Variants in BNC2 observed in about 807,000 individuals in gnomAD.
BNC2 encodes zinc finger protein basonuclin-2.
Under a neutral mutation model 76.3 loss-of-function variants are expected in BNC2, and 20 were observed. That is an observed-to-expected ratio of 0.26 (90% CI 0.18 to 0.38). BNC2 has a LOEUF of 0.38. Ranked by LOEUF, BNC2 falls within the 10% of genes least tolerant of loss-of-function variation. The probability of loss-of-function intolerance (pLI) is 1.00; values close to 1 mark genes in which losing one functional copy is unlikely to be tolerated. For missense variants in BNC2, 1,382 were observed against 1,399.8 expected (o/e 0.99, Z 0.20); for synonymous variants, 582 against 514.8 (o/e 1.13, Z -1.77).
At chr9:16,662,128 T>A (rs1473183349) in intron 3 of BNC2, among the ~76,000 whole-genome samples, 2 of 152,212 alleles carry the variant, frequency 1.3e-5, no homozygotes, top group Admixed American at 6.5e-5. Flanking sequence ...TCCCAATATT[T>A]CTCCTTCAGA....
chr9:16,742,916 C>T (rs1218473219), intron 1 of BNC2, among the ~76,000 whole-genome samples: 1 of 152,160 alleles, frequency 6.6e-6, no homozygotes, highest in Non-Finnish European at 1.5e-5. Flanking sequence ...AATGAGAAAA[C>T]TGTCTCACTA....
intron 5 of BNC2, among the ~76,000 whole-genome samples, chr9:16,499,915 C>T (rs185305042): frequency 3.2e-4 from 48 of 152,176 alleles, no homozygotes; most frequent in Admixed American, 5.2e-4. Context: ...ACTCAATTTA[C>T]TACTATCATA....
intron 3 of BNC2, among the ~76,000 whole-genome samples, chr9:16,600,293 T>C (rs891249258): frequency 6.6e-6 from 1 of 152,218 alleles, no homozygotes. Context: ...TGAATATCCA[T>C]AGAGCTGGTG....
At chr9:16,626,429 G>C (rs1319250783) in intron 3 of BNC2, 1 of 152,154 alleles carries the variant, frequency 6.6e-6, no homozygotes, top group Non-Finnish European at 1.5e-5. Flanking sequence ...AAGATGCATG[G>C]TGCCCACCCA....
At position 16,643,715 on chromosome 9, in the gene BNC2, T is replaced by C. The variant is rs16934879; in HGVS notation, c.331-60630A>G. On this transcript the variant is annotated intron_variant, in intron 3 of 6. Transcript: ENST00000380672. Reference sequence around the variant, plus strand: ...CACATCTGATGTTTCTTGGTACTTATAAGGGTAGCTGCTATTCAAAAATCA... The same window carrying C: ...CACATCTGATGTTTCTTGGTACTTACAAGGGTAGCTGCTATTCAAAAATCA... Among the ~76,000 whole-genome samples the C allele has an allele frequency of 7.0e-3, 1,059 of 152,312 alleles. 16 individuals are homozygous for C. The highest frequency in any genetic ancestry group is 0.038 in the South Asian group (186 of 4,832).
intron 1 of BNC2, among the ~76,000 whole-genome samples, chr9:16,869,090 T>TTTTACAGTGTTCTTGTGTAAAACGCCC (rs1354545707): frequency 7.4e-4 from 113 of 152,310 alleles, no homozygotes; most frequent in African/African-American, 2.7e-3. Flanking sequence ...TGCCACCGGC[T>TTTTACAGTGTTCTTGTGTAAAACGCCC]TTTACAGTGT....
At chr9:16,486,903 A>G (rs1021805056) in intron 5 of BNC2, among the ~76,000 whole-genome samples, 26 of 151,952 alleles carry the variant, frequency 1.7e-4, no homozygotes, top group African/African-American at 6.3e-4. Flanking sequence ...TTTTATAGAG[A>G]TAACGTCTCG....
rs1266586483 is a variant in BNC2 at position 16,414,501 on chromosome 9, G to C, written c.*4488C>G. On this transcript the variant is annotated 3_prime_UTR_variant, in exon 7 of 7. Transcript: ENST00000380672. ...GAGAAGATAAGTGATTTTAAAGAAT[G>C]AAATTCGTTTGTCATAATTTTAAAA... 6.6e-6 allele frequency: 1 copy of C among 152,160 alleles called. No homozygotes were observed. Among genetic ancestry groups the C allele is most frequent in the African/African-American group, 2.4e-5 (1 of 41,444 alleles). The allele number at this position is 152,160 out of a possible 1,614,324, so 9.4% of individuals were successfully genotyped here.
intron 1 of BNC2, among the ~76,000 whole-genome samples, chr9:16,826,518 A>G (rs1818457270): frequency 6.6e-6 from 1 of 152,186 alleles, no homozygotes; most frequent in African/African-American, 2.4e-5. Flanking sequence ...TGCTTGATTA[A>G]ATTAAGCTGC....
intron 1 of BNC2, among the ~76,000 whole-genome samples, chr9:16,809,956 T>C (rs1818004644): frequency 6.6e-6 from 1 of 152,066 alleles, no homozygotes; most frequent in Non-Finnish European, 1.5e-5. Context: ...ATGGCCATGG[T>C]CCATTGATGG....
chr9:16,852,015 A>G (rs1265680372), intron 1 of BNC2, among the ~76,000 whole-genome samples: 1 of 152,178 alleles, frequency 6.6e-6, no homozygotes, highest in Non-Finnish European at 1.5e-5. Flanking sequence ...TCAACATGAG[A>G]TGTGTGATCT....
intron 1 of BNC2, among the ~76,000 whole-genome samples, chr9:16,791,286 C>G (rs1394266639): frequency 2.0e-5 from 3 of 152,088 alleles, no homozygotes; most frequent in African/African-American, 4.8e-5. Context: ...TGGTCTCGAT[C>G]TCCTGACATC....
intron 5 of BNC2, among the ~76,000 whole-genome samples, chr9:16,471,087 C>T (rs1192447508): frequency 2.3e-4 from 35 of 152,196 alleles, no homozygotes; most frequent in Non-Finnish European, 1.5e-4. Context: ...GGGAACCCAC[C>T]TCTTACATCA....
chr9:16,818,014 G>A (rs1323395296), intron 1 of BNC2, among the ~76,000 whole-genome samples: 2 of 152,108 alleles, frequency 1.3e-5, no homozygotes, highest in African/African-American at 4.8e-5. Flanking sequence ...AGAAAAGGCA[G>A]GACTGGGGAA....
At chr9:16,853,804 G>C (rs1419794439) in intron 1 of BNC2, among the ~76,000 whole-genome samples, 1 of 152,124 alleles carries the variant, frequency 6.6e-6, no homozygotes, top group Non-Finnish European at 1.5e-5. Context: ...GGAGACAGAG[G>C]TTGCAGTGAG....
At chr9:16,799,916 G>A (rs960930381) in intron 1 of BNC2, among the ~76,000 whole-genome samples, 4 of 152,000 alleles carry the variant, frequency 2.6e-5, no homozygotes, top group Non-Finnish European at 5.9e-5. Flanking sequence ...AGGAACTTTG[G>A]CTCACACAGA....
chr9:16,572,726 G>T (rs1028660640), intron 4 of BNC2, among the ~76,000 whole-genome samples: 3 of 152,096 alleles, frequency 2.0e-5, no homozygotes, highest in Admixed American at 1.3e-4. Context: ...GGAAAAACTG[G>T]CCAGGATCAA....
intron 1 of BNC2, among the ~76,000 whole-genome samples, chr9:16,859,951 C>T (rs569935231): frequency 6.6e-6 from 1 of 152,286 alleles, no homozygotes; most frequent in South Asian, 2.1e-4. Context: ...GAAACCCCAT[C>T]TCTACTAAAA....
At chr9:16,827,238 C>T (rs1360453586) in intron 1 of BNC2, among the ~76,000 whole-genome samples, 1 of 152,196 alleles carries the variant, frequency 6.6e-6, no homozygotes, top group Non-Finnish European at 1.5e-5. Flanking sequence ...CCCTACAAGG[C>T]ACCACAGTTA....
Sources: allele counts gnomAD v4.1 joint callset (sites outside exome capture counted in the v4.1 genomes callset), GRCh38; gene constraint gnomAD v4.1.1; transcripts MANE v1.5; gene names NCBI Gene and HGNC (gene_info 2026-07-23, HGNC 2026-07-21).